DPH6: variants seen among roughly 807,000 people sequenced by gnomAD.
The protein encoded by DPH6 is diphthine--ammonia ligase.
Under a neutral mutation model 38.2 loss-of-function variants are expected in DPH6, and 33 were observed. The observed-to-expected ratio is 0.86, with a 90% CI of 0.65 to 1.15. DPH6 has a LOEUF of 1.15. Among genes scored for constraint, DPH6 ranks in the 50% most tolerant of loss-of-function variants. The probability of loss-of-function intolerance (pLI) is 0.00; values close to 1 mark genes in which losing one functional copy is unlikely to be tolerated. For synonymous variants in DPH6, 108 were observed against 103.0 expected (o/e 1.05, Z -0.30); for missense variants, 325 against 320.0 (o/e 1.02, Z -0.12).
At chr15:35,502,789 C>G (rs1329019344) in intron 3 of DPH6, among the ~76,000 whole-genome samples, 1 of 151,198 alleles carries the variant, frequency 6.6e-6, no homozygotes, top group African/African-American at 2.4e-5. Flanking sequence ...GTTTTCAATT[C>G]ATTTAAGTAG....
chr15:35,330,189 C>T (rs189534435), downstream of DPH6, among the ~76,000 whole-genome samples: 1 of 152,212 alleles, frequency 6.6e-6, no homozygotes, highest in East Asian at 1.9e-4. Context: ...GCTTCTTTAT[C>T]ATTCCGTATT....
chr15:35,369,786 A>G (rs1566883114), downstream of DPH6, among the ~76,000 whole-genome samples: 1 of 151,876 alleles, frequency 6.6e-6, no homozygotes, highest in Non-Finnish European at 1.5e-5. Context: ...AAGACTCAAT[A>G]TCGTCATGAT....
chr15:35,243,232 T>C (rs1381604618), intron 3 of DPH6, among the ~76,000 whole-genome samples: 1 of 142,366 alleles, frequency 7.0e-6, no homozygotes, highest in Non-Finnish European at 1.5e-5. Context: ...AAGATCTCCC[T>C]TCAGCTTAAT....
At chr15:35,273,769 G>A (rs2051838856) in intron 3 of DPH6, among the ~76,000 whole-genome samples, 1 of 152,064 alleles carries the variant, frequency 6.6e-6, no homozygotes, top group South Asian at 2.1e-4. Context: ...ACAAACAAAT[G>A]GAAAAACATT....
chr15:35,493,323 G>T (rs182918118), intron 3 of DPH6, among the ~76,000 whole-genome samples: 1 of 152,148 alleles, frequency 6.6e-6, no homozygotes, highest in African/African-American at 2.4e-5. Flanking sequence ...ATAATTGATG[G>T]TTAGATTCCG....
chr15:35,522,214 T>G (rs889648613), intron 3 of DPH6: 1 of 1,613,240 alleles, frequency 6.2e-7, no homozygotes. Context: ...CACTTTCAAA[T>G]GCATGTGAAA....
At position 35,259,814 on chromosome 15, in the gene DPH6, T is replaced by C. The variant is rs138537267; in HGVS notation, n.201-39232A>G. ...TTAGTTATGGTCACACAAAGCTTCT[T>C]GTCTGGATTTTCTGCCCGTAATATG... On this transcript the variant is annotated intron_variant and non_coding_transcript_variant, in intron 3 of 3. Transcript: ENST00000560386. 6.6e-5 allele frequency among the ~76,000 whole-genome samples: 10 copies of C among 152,332 alleles called. 1 individual carries two copies. In the East Asian group the frequency reaches 7.7e-4, roughly 12 times the overall value.
the DPH6 span, among the ~76,000 whole-genome samples, chr15:35,206,269 C>A: frequency 6.6e-6 from 1 of 152,120 alleles, no homozygotes; most frequent in East Asian, 1.9e-4. Flanking sequence ...AAGGATACTA[C>A]ACCAGCGTTA....
chr15:35,365,789 G>A, intron 3 of DPH6: 3 of 985,128 alleles, frequency 3.0e-6, no homozygotes, highest in Non-Finnish European at 3.6e-6. Context: ...TTTAAATGTG[G>A]GTGAAACTGA....
chr15:35,387,176 T>G (rs1159076497), intron 6 of DPH6, among the ~76,000 whole-genome samples: 3 of 152,006 alleles, frequency 2.0e-5, no homozygotes, highest in East Asian at 1.9e-4. Flanking sequence ...ATATCTGAGG[T>G]CTCTGTTCTG....
the DPH6 span, among the ~76,000 whole-genome samples, chr15:35,153,308 A>C: frequency 6.6e-6 from 1 of 152,200 alleles, no homozygotes; most frequent in Non-Finnish European, 1.5e-5. Flanking sequence ...ACATAAATTT[A>C]CAAAGATTAA....
chr15:35,477,891 G>C (rs746858867), intron 3 of DPH6, among the ~76,000 whole-genome samples: 8 of 151,948 alleles, frequency 5.3e-5, no homozygotes, highest in Admixed American at 2.0e-4. Flanking sequence ...GTAAAAGTTA[G>C]CAGTAAATTA....
intron 7 of DPH6, among the ~76,000 whole-genome samples, chr15:35,381,483 A>T (rs1291115236): frequency 6.6e-6 from 1 of 152,204 alleles, no homozygotes; most frequent in African/African-American, 2.4e-5. Flanking sequence ...CAGTTTATCA[A>T]ATGTAGCTGT....
the DPH6 span, among the ~76,000 whole-genome samples, chr15:35,193,144 T>C: frequency 4.0e-4 from 61 of 152,290 alleles, no homozygotes; most frequent in Admixed American, 1.0e-3. Context: ...TGAGAAAATA[T>C]GCTTATAATC....
intron 3 of DPH6, among the ~76,000 whole-genome samples, chr15:35,285,328 C>T (rs1423274279): frequency 2.0e-5 from 3 of 152,044 alleles, no homozygotes; most frequent in Non-Finnish European, 2.9e-5. Flanking sequence ...TCCCACGTGT[C>T]GTGGGAGGGA....
At chr15:35,180,442 CACTT>C in the DPH6 span, among the ~76,000 whole-genome samples, 3 of 139,252 alleles carry the variant, frequency 2.2e-5, no homozygotes, top group African/African-American at 8.0e-5. Flanking sequence ...CACACACACA[CACTT>C]GCCCAGTGGG....
At chr15:35,475,871 G>A (rs1326839443) in intron 3 of DPH6, among the ~76,000 whole-genome samples, 2 of 151,628 alleles carry the variant, frequency 1.3e-5, no homozygotes, top group Non-Finnish European at 3.0e-5. Flanking sequence ...AGTGATATAA[G>A]CCACAGTCTC....
the DPH6 span, chr15:35,169,815 A>G: frequency 2.0e-5 from 3 of 152,208 alleles, no homozygotes; most frequent in Admixed American, 6.6e-5. Flanking sequence ...TGTTAGCTCT[A>G]GAAAGGCTTT....
chr15:35,253,354 T>C (rs1036291389), intron 3 of DPH6, among the ~76,000 whole-genome samples: 1 of 152,182 alleles, frequency 6.6e-6, no homozygotes, highest in Non-Finnish European at 1.5e-5. Flanking sequence ...GCTAAAGCAA[T>C]GGCAGATTCT....
Sources: gnomAD v4.1 joint callset for allele counts (sites outside exome capture counted in the v4.1 genomes callset) on GRCh38, gnomAD v4.1.1 for gene constraint, MANE v1.5 for transcripts, NCBI Gene and HGNC (gene_info 2026-07-23, HGNC 2026-07-21) for gene names.